Variants in SACS observed in about 807,000 individuals in gnomAD.
SACS encodes the protein sacsin molecular chaperone.
A neutral mutation model predicts 348.0 loss-of-function variants in SACS; 197 were observed. That is an observed-to-expected ratio of 0.57 (90% confidence interval 0.50 to 0.64). SACS has a LOEUF of 0.64. SACS is among the 30% of genes least tolerant of loss of function. The pLI is 0.00. For missense variants in SACS, 4,999 were observed against 5,360.8 expected (o/e 0.93, Z 2.11); for synonymous variants, 1,985 against 1,910.6 (o/e 1.04, Z -1.02).
At chr13:23,359,994 G>C (rs1870629081) in intron 6 of SACS, among the ~76,000 whole-genome samples, 1 of 152,186 alleles carries the variant, frequency 6.6e-6, no homozygotes, top group South Asian at 2.1e-4. Flanking sequence ...CTGTGGAGTG[G>C]AGTGGGGACT....
intron 2 of SACS, among the ~76,000 whole-genome samples, chr13:23,399,839 T>G (rs963690309): frequency 2.6e-5 from 4 of 151,966 alleles, no homozygotes; most frequent in Admixed American, 2.0e-4. Context: ...GATGCCAGCC[T>G]TGAGATAACC....
rs770368952 is a variant in SACS at position 23,331,190 on chromosome 13, A to T, written c.12686T>A (p.Ile4229Asn). The T allele has an allele frequency of 1.2e-6, 2 of 1,613,538 alleles. No individual in the cohort carries two copies. The highest frequency in any genetic ancestry group is 1.7e-6 in the Non-Finnish European group (2 of 1,179,626). Residue 4229 changes from isoleucine (I) to asparagine (N), a missense_variant, in exon 10 of 10, where the codon ATT becomes AAT. Physicochemically the swap from Ile to Asn is moderately radical, Grantham distance 149 (BLOSUM62 -3). Transcript: ENST00000382292. ...SFLGKIYQID[I>N]GYSEYKIVSS... is the part of the protein sequence containing the mutation. Reference sequence around the variant, plus strand: ...AACTATTTTATATTCACTATAACCAATATCTATCTGATATATCTTTCCTAG... The same window carrying T: ...AACTATTTTATATTCACTATAACCATTATCTATCTGATATATCTTTCCTAG...
At chr13:23,389,813 G>T (rs9507084) in intron 2 of SACS, among the ~76,000 whole-genome samples, 43 of 151,778 alleles carry the variant, frequency 2.8e-4, no homozygotes, top group African/African-American at 9.7e-4. Context: ...AGAAGGATCA[G>T]TTCTACTCTT....
At chr13:23,402,106 A>G (rs1668841866) in intron 2 of SACS, among the ~76,000 whole-genome samples, 1 of 151,502 alleles carries the variant, frequency 6.6e-6, no homozygotes, top group South Asian at 2.1e-4. Flanking sequence ...TGAACCTGGA[A>G]GGCGGAGCTT....
chr13:23,354,618 C>A lies in SACS; in HGVS notation c.1994G>T (p.Gly665Val), dbSNP rs1188918850. 3 of 1,614,054 alleles carry A rather than the reference C, an allele frequency of 1.9e-6. No individual in the cohort carries two copies. Among genetic ancestry groups the A allele is most frequent in the Admixed American group, 1.7e-5 (1 of 60,006 alleles). The change falls in exon 8 of 10, where the codon GGG becomes GTG. Residue 665 changes from glycine to valine, a missense_variant. By Grantham distance (109) the Gly-to-Val change is moderately radical. This residue lies in a region of SACS where 3,156 missense variants were observed against 3,380.1 expected (regional missense o/e 0.93). Transcript: ENST00000382292. Reference sequence around the variant, plus strand: ...ATTTTGTAAAGGGAGCAGCTCCAGCCCAAGCAGCTCACTGTAGGCTTGGTC... The same window carrying A: ...ATTTTGTAAAGGGAGCAGCTCCAGCACAAGCAGCTCACTGTAGGCTTGGTC... ...LSDQAYSELLGLELLPLQNGN... is the reference protein window; with the variant it reads ...LSDQAYSELLVLELLPLQNGN...
chr13:23,329,362 A>C lies in SACS; in HGVS notation c.*774T>G, dbSNP rs1883323709. On this transcript the variant is annotated 3_prime_UTR_variant, in exon 10 of 10. Coordinates refer to ENST00000382292, the MANE Select transcript of SACS (RefSeq NM_014363.6). ...AAATATGTACACACAAACATAAAGC[A>C]AGTGTTCTAACAGTTAATAAATGTT... 2.0e-5 allele frequency: 14 copies of C among 707,784 alleles called. No homozygotes were observed. In the South Asian group the frequency reaches 2.3e-4, roughly 12 times the overall value. The allele number at this position is 707,784 out of a possible 1,614,324, so 43.8% of individuals were successfully genotyped here.
At chr13:23,345,697 T>C (rs1461589182) in intron 9 of SACS, among the ~76,000 whole-genome samples, 4 of 152,200 alleles carry the variant, frequency 2.6e-5, no homozygotes, top group Non-Finnish European at 1.5e-5. Context: ...ACTTTTAATA[T>C]AAGCTAGAAA....
At chr13:23,368,852 C>CCT in intron 4 of SACS, among the ~76,000 whole-genome samples, 2 of 152,092 alleles carry the variant, frequency 1.3e-5, no homozygotes, top group Non-Finnish European at 2.9e-5. Context: ...GTGCCCACCA[C>CCT]CATGCCCAGC....
Position 23,332,946 on chromosome 13 carries a change from A to C in SACS, c.10930T>G (p.Phe3644Val). 6.2e-7 allele frequency: 1 copy of C among 1,613,938 alleles called. No homozygotes were observed. The highest frequency in any genetic ancestry group is 8.5e-7 in the Non-Finnish European group (1 of 1,179,918). Residue 3644 changes from phenylalanine (F) to valine (V), a missense_variant, in exon 10 of 10, where the codon TTT becomes GTT. Phe to Val is a conservative substitution (Grantham distance 50, BLOSUM62 -1). Coordinates refer to ENST00000382292, the MANE Select transcript of SACS (RefSeq NM_014363.6). ...GGTATTAAAGATAGTTCTTTCAGAAAATTTCCAGATAACAAATCCATTCGT... is the reference window on the plus strand; with the variant it reads ...GGTATTAAAGATAGTTCTTTCAGAACATTTCCAGATAACAAATCCATTCGT... The part of the protein sequence containing the change: ...QERMDLLSGN[F>V]LKELSLIPFL...
chr13:23,380,706 T>C (rs182016263), intron 2 of SACS, among the ~76,000 whole-genome samples: 16 of 152,316 alleles, frequency 1.1e-4, no homozygotes, highest in African/African-American at 3.8e-4. Context: ...AACGTTGTAA[T>C]TGCCCAAGAC....
At chr13:23,396,828 G>GA (rs1014500298) in intron 2 of SACS, among the ~76,000 whole-genome samples, 3 of 152,136 alleles carry the variant, frequency 2.0e-5, no homozygotes, top group African/African-American at 7.2e-5. Context: ...GCTAAAAACA[G>GA]TTTCTAAAAT....
At chr13:23,366,995 T>C (rs1263208769) in intron 5 of SACS, among the ~76,000 whole-genome samples, 4 of 152,180 alleles carry the variant, frequency 2.6e-5, no homozygotes, top group African/African-American at 4.8e-5. Flanking sequence ...AATACAAATA[T>C]ATCTATAAGC....
At position 23,391,704 on chromosome 13, in the gene SACS, C is replaced by A. The variant is rs138898218; in HGVS notation, c.21-16435G>T. Among the ~76,000 whole-genome samples the A allele has an allele frequency of 5.7e-3, 870 of 152,268 alleles. 8 individuals carry two copies. Among genetic ancestry groups the A allele is most frequent in the African/African-American group, 0.02 (825 of 41,550 alleles). On this transcript the variant is annotated intron_variant, in intron 2 of 9. Transcript: ENST00000382292. ...TTCCGTTTCCCCCTTTGCACATAAA[C>A]CCATGATTGATCCTAATTGGACTGT...
intron 2 of SACS, among the ~76,000 whole-genome samples, chr13:23,399,031 A>AAAAAAAAAAAAC (rs1872838585): frequency 1.3e-5 from 2 of 150,616 alleles, no homozygotes; most frequent in Non-Finnish European, 3.0e-5. Flanking sequence ...AAAAAAAAAA[A>AAAAAAAAAAAAC]AAAAAACATG....
At chr13:23,429,621 C>G (rs531529172) in intron 1 of SACS, among the ~76,000 whole-genome samples, 1 of 151,760 alleles carries the variant, frequency 6.6e-6, no homozygotes, top group African/African-American at 2.4e-5. Flanking sequence ...CCTGGCCCTC[C>G]CAAAGTGCTG....
intron 2 of SACS, among the ~76,000 whole-genome samples, chr13:23,384,873 T>C (rs1030042357): frequency 6.6e-6 from 1 of 152,188 alleles, no homozygotes. Flanking sequence ...ATAAAATAAG[T>C]CACATAATAT....
Position 23,338,576 on chromosome 13 carries a change from A to C in SACS, c.5300T>G (p.Phe1767Cys). The C allele has an allele frequency of 3.7e-6, 6 of 1,614,120 alleles. No individual in the cohort carries two copies. The highest frequency in any genetic ancestry group is 5.1e-6 in the Non-Finnish European group (6 of 1,179,992). Residue 1767 changes from phenylalanine (F) to cysteine (C), a missense_variant, in exon 10 of 10, where the codon TTT becomes TGT. This residue lies in a region of SACS where 3,156 missense variants were observed against 3,380.1 expected (regional missense o/e 0.93). Coordinates refer to ENST00000382292, the MANE Select transcript of SACS (RefSeq NM_014363.6). ...AGCAATCCTTCTGAACACATGGTGA[A>C]ATTCTTCCACTGTGATCTGAAGAAT... The part of the protein sequence containing the change: ...SCILQITVEE[F>C]HHVFRRIADL...
intron 9 of SACS, among the ~76,000 whole-genome samples, chr13:23,347,884 C>A (rs2137677164): frequency 6.6e-6 from 1 of 152,246 alleles, no homozygotes; most frequent in African/African-American, 2.4e-5. Flanking sequence ...TTAAAAATAG[C>A]AAATATCAAT....
rs952838617 is a variant in SACS, at chr13:23,341,703, C to T, written c.2186-13G>A. 1.3e-6 allele frequency: 2 copies of T among 1,599,578 alleles called. No individual in the cohort carries two copies. The highest frequency in any genetic ancestry group is 1.7e-6 in the Non-Finnish European group (2 of 1,171,782). On this transcript the variant is annotated splice_polypyrimidine_tract_variant and intron_variant, in intron 9 of 9. Coordinates refer to ENST00000382292, the MANE Select transcript of SACS (RefSeq NM_014363.6). ...GTACATGGTCTTCCTGTAAATCATA[C>T]ACAGAAATGTCATAAATACATATAA...
Sources: allele counts gnomAD v4.1 joint callset (sites outside exome capture counted in the v4.1 genomes callset), GRCh38; gene constraint gnomAD v4.1.1; regional missense constraint gnomAD v4.1.1; transcripts MANE v1.5; gene names NCBI Gene and HGNC (gene_info 2026-07-23, HGNC 2026-07-21).